Variants in MAEL observed in about 807,000 individuals in gnomAD.
MAEL encodes the protein maelstrom spermatogenic transposon silencer.
A neutral mutation model predicts 62.0 loss-of-function variants in MAEL; 46 were observed. The ratio of observed to expected loss-of-function variants is 0.74; its 90% CI spans 0.59 to 0.95. MAEL has a LOEUF of 0.95. MAEL is among the 40% of genes least tolerant of loss of function. The probability of loss-of-function intolerance (pLI) is 0.00; values close to 1 mark genes in which losing one functional copy is unlikely to be tolerated. For missense variants in MAEL, 497 were observed against 526.8 expected (o/e 0.94, Z 0.55); for synonymous variants, 172 against 175.5 (o/e 0.98, Z 0.16).
At chr1:166,997,759 T>C (rs1664491182) in intron 5 of MAEL, among the ~76,000 whole-genome samples, 1 of 152,200 alleles carries the variant, frequency 6.6e-6, no homozygotes, top group Non-Finnish European at 1.5e-5. Flanking sequence ...TTTATGGCGT[T>C]TTGTGTCTTA....
At chr1:167,020,617 A>G (rs982540795) in intron 10 of MAEL, among the ~76,000 whole-genome samples, 3 of 152,190 alleles carry the variant, frequency 2.0e-5, no homozygotes, top group Admixed American at 1.3e-4. Context: ...GAAAATAGAA[A>G]CAGTTGGGAG....
At chr1:167,016,415 C>G (rs1045927983) in intron 9 of MAEL, 131 bp downstream of exon 9, 1 of 748,836 alleles carries the variant, frequency 1.3e-6, no homozygotes, top group Non-Finnish European at 2.3e-6. Flanking sequence ...CAAAGGGGGT[C>G]AAATCAAAAC....
intron 8 of MAEL, among the ~76,000 whole-genome samples, chr1:167,008,388 G>T (rs1161055347): frequency 2.0e-5 from 3 of 151,912 alleles, no homozygotes; most frequent in Non-Finnish European, 4.4e-5. Flanking sequence ...ATGTTATATA[G>T]CTTTTCAAAG....
At chr1:166,995,818 C>T (rs1664402979) in intron 5 of MAEL, among the ~76,000 whole-genome samples, 1 of 152,180 alleles carries the variant, frequency 6.6e-6, no homozygotes, top group South Asian at 2.1e-4. Context: ...CTGAGACTGT[C>T]ACTGGCTTAC....
chr1:166,991,287 G>A, intron 2 of MAEL, 91 bp from the exon 3 acceptor site: 1 of 762,074 alleles, frequency 1.3e-6, no homozygotes, highest in Non-Finnish European at 2.4e-6. Context: ...TAATCTATAG[G>A]CTGTTTTGCA....
chr1:166,992,946 C>T, intron 4 of MAEL, 105 bp downstream of exon 4: 2 of 931,860 alleles, frequency 2.1e-6, no homozygotes, highest in Non-Finnish European at 3.0e-6. Flanking sequence ...TCATGTACAG[C>T]TGTGTTCTTA....
At position 167,012,804 on chromosome 1, in the gene MAEL, C is replaced by T. The variant is rs150014773; in HGVS notation, c.846-3418C>T. ...AGATAGAAAAGCCTTGAGGTAAAGG[C>T]TTGGTGTTTGCTAGAAATTGTTAGA... On this transcript the variant is annotated intron_variant, in intron 8 of 11. Coordinates refer to ENST00000367872, the MANE Select transcript of MAEL (RefSeq NM_032858.3). 3.3e-4 allele frequency among the ~76,000 whole-genome samples: 50 copies of T among 152,160 alleles called. 1 individual carries two copies. In the East Asian group the frequency reaches 8.9e-3, roughly 27 times the overall value.
intron 5 of MAEL, among the ~76,000 whole-genome samples, chr1:167,003,738 A>T (rs1272127680): frequency 6.6e-6 from 1 of 152,190 alleles, no homozygotes; most frequent in Non-Finnish European, 1.5e-5. Flanking sequence ...AAGTTGGTCT[A>T]AATTACTTGG....
intron 7 of MAEL, 49 bp downstream of exon 7, chr1:167,005,179 G>A: frequency 1.2e-6 from 2 of 1,610,640 alleles, no homozygotes; most frequent in Non-Finnish European, 1.7e-6. Context: ...GTTAATATCT[G>A]TATTTGTTTC....
At chr1:166,994,763 T>C (rs1435809679) in intron 5 of MAEL, among the ~76,000 whole-genome samples, 2 of 150,462 alleles carry the variant, frequency 1.3e-5, no homozygotes, top group Non-Finnish European at 3.0e-5. Context: ...TCTGCCTCCT[T>C]GGTTCAAGCA....
chr1:167,004,304 G>C lies in MAEL; in HGVS notation c.648G>C (p.Lys216Asn), dbSNP rs1447723350. The change falls in exon 6 of 12, where the codon AAG (lysine) becomes AAC (asparagine). Residue 216 changes from lysine to asparagine, a missense_variant and splice_region_variant. By Grantham distance (94) the Lys-to-Asn change is moderately conservative. Coordinates refer to ENST00000367872, the MANE Select transcript of MAEL (RefSeq NM_032858.3). The stretch of plus-strand genomic sequence containing the variant: ...GGAACTGGCCACCTATCTACTGCAA[G>C]GTAATTTCAGGTTAAGAAGTTCTTT... ...NPGNWPPIYC[K>N]SDDRTRVNWC... The C allele has an allele frequency of 1.3e-6, 2 of 1,584,094 alleles. No homozygotes were observed. The highest frequency in any genetic ancestry group is 1.7e-6 in the Non-Finnish European group (2 of 1,169,604).
chr1:166,991,462 T>G lies in MAEL; in HGVS notation c.310T>G (p.Leu104Val). 1.2e-6 allele frequency: 2 copies of G among 1,608,330 alleles called. No homozygotes were observed. Among genetic ancestry groups the G allele is most frequent in the Non-Finnish European group, 1.7e-6 (2 of 1,174,910 alleles). ...VSPPDMSALS[L>V]KGDQALLGGI... ...ACCTCCAGATATGTCAGCTTTGTCT[T>G]TAAAAGGTGATCAAGGTAGAGTAAT... The change falls in exon 3 of 12, where the codon TTA becomes GTA. Residue 104 changes from leucine (L) to valine (V), a missense_variant. Transcript: ENST00000367872.
At chr1:166,993,692 G>C (rs990476020) in intron 4 of MAEL, among the ~76,000 whole-genome samples, 1 of 152,106 alleles carries the variant, frequency 6.6e-6, no homozygotes, top group Non-Finnish European at 1.5e-5. Context: ...TCTGAGAAAC[G>C]CATATACACC....
chr1:166,983,278 C>T (rs1438448905), intron 1 of MAEL, among the ~76,000 whole-genome samples: 1 of 152,154 alleles, frequency 6.6e-6, no homozygotes, highest in East Asian at 1.9e-4. Flanking sequence ...TGCCTTTCTT[C>T]CTACTTTTTC....
chr1:166,995,294 G>A (rs1664373911), intron 5 of MAEL, among the ~76,000 whole-genome samples: 2 of 151,950 alleles, frequency 1.3e-5, no homozygotes, highest in Admixed American at 6.5e-5. Context: ...AGGCTGGAGT[G>A]TAATGGCACG....
In MAEL at chr1:167,010,555, C is replaced by T. The variant is rs141923409; in HGVS notation, c.845+5158C>T. ...GGAACTCCTAGAGTCAAGCAGTCCT[C>T]ATGCCTCAGTCTCCTGAGTAGCTGG... On this transcript the variant is annotated intron_variant, in intron 8 of 11. Coordinates refer to ENST00000367872, the MANE Select transcript of MAEL (RefSeq NM_032858.3). Among the ~76,000 whole-genome samples the T allele has an allele frequency of 4.9e-4, 74 of 152,284 alleles. 1 individual carries two copies. The East Asian group carries it at 0.014, about 28-fold the overall frequency.
intron 6 of MAEL, 26 bp from the exon 7 acceptor site, chr1:167,005,050 T>C: frequency 1.2e-6 from 2 of 1,608,652 alleles, no homozygotes; most frequent in Non-Finnish European, 1.7e-6. Context: ...TTTTTTGTTT[T>C]GTTTTTTGTT....
At chr1:166,980,202 T>G (rs976592871) in intron 1 of MAEL, among the ~76,000 whole-genome samples, 1 of 152,092 alleles carries the variant, frequency 6.6e-6, no homozygotes, top group Admixed American at 6.5e-5. Context: ...TTTGTATTTT[T>G]TTTTTTAGAG....
intron 4 of MAEL, among the ~76,000 whole-genome samples, chr1:166,993,311 A>G (rs1037107535): frequency 5.3e-5 from 8 of 152,220 alleles, no homozygotes; most frequent in African/African-American, 1.9e-4. Context: ...TAAGGAATAG[A>G]TGACAAATAT....
Sources: allele counts gnomAD v4.1 joint callset (sites outside exome capture counted in the v4.1 genomes callset), GRCh38; gene constraint gnomAD v4.1.1; transcripts MANE v1.5; gene names NCBI Gene and HGNC (gene_info 2026-07-23, HGNC 2026-07-21).